The following SLC13A3 variants were observed in gnomAD, a reference collection of about 807,000 sequenced individuals.
SLC13A3 encodes the protein solute carrier family 13 member 3.
Under a neutral mutation model 59.0 loss-of-function variants are expected in SLC13A3, and 40 were observed. The observed-to-expected ratio is 0.68, with a 90% CI of 0.53 to 0.88. The LOEUF is 0.88. Ranked by LOEUF, SLC13A3 falls within the 40% of genes least tolerant of loss-of-function variation. SLC13A3 has a pLI of 0.00. For synonymous variants in SLC13A3, 317 were observed against 330.3 expected (o/e 0.96, Z 0.44); for missense variants, 699 against 783.2 (o/e 0.89, Z 1.28).
chr20:46,655,278 T>A (rs564445710), upstream of SLC13A3, among the ~76,000 whole-genome samples: 1 of 134,836 alleles, frequency 7.4e-6, no homozygotes, highest in African/African-American at 2.9e-5. Flanking sequence ...TGTATACACA[T>A]ATATACACAT....
chr20:46,575,462 C>T lies in SLC13A3; in HGVS notation c.1332+111G>A, dbSNP rs534705662. The T allele has an allele frequency of 1.5e-4, 82 of 548,874 alleles. 1 individual carries two copies. Among genetic ancestry groups the T allele is most frequent in the African/African-American group, 1.2e-3 (61 of 51,556 alleles). 34.0% of individuals were successfully genotyped at this position (548,874 alleles called of 1,614,324 possible). ...CAAGTGAGGAAACTGGCTGTGCCCC[C>T]AGGGCCCGTGCAGCTCACCTGCTCT... is the stretch of plus-strand genomic sequence containing the variant. On this transcript the variant is annotated intron_variant, in intron 10 of 12. Transcript: ENST00000279027.
At chr20:46,633,230 G>A (rs571184106) in intron 1 of SLC13A3, among the ~76,000 whole-genome samples, 14 of 152,056 alleles carry the variant, frequency 9.2e-5, no homozygotes, top group African/African-American at 2.9e-4. Context: ...GACCCAACCT[G>A]GAAAGAAGAG....
chr20:46,641,564 C>A (rs997183802), intron 1 of SLC13A3, among the ~76,000 whole-genome samples: 9 of 152,096 alleles, frequency 5.9e-5, no homozygotes, highest in Admixed American at 5.2e-4. Flanking sequence ...CCTAAATGAC[C>A]AGAAGCACCC....
intron 1 of SLC13A3, among the ~76,000 whole-genome samples, chr20:46,675,413 T>C (rs1430628391): frequency 5.5e-5 from 8 of 146,550 alleles, no homozygotes; most frequent in Admixed American, 4.0e-4. Context: ...TTCTTTTTTT[T>C]TTTTTTTTTT....
intron 3 of SLC13A3, 123 bp downstream of exon 3, chr20:46,610,323 C>A: frequency 1.1e-6 from 1 of 881,318 alleles, no homozygotes; most frequent in Non-Finnish European, 1.8e-6. Flanking sequence ...ACTAAAACAC[C>A]TGACGCATAG....
chr20:46,655,921 A>G (rs1247259793), upstream of SLC13A3, among the ~76,000 whole-genome samples: 6 of 142,422 alleles, frequency 4.2e-5, no homozygotes, highest in Non-Finnish European at 9.1e-5. Context: ...TATTATATAT[A>G]CGTATATAAT....
upstream of SLC13A3, among the ~76,000 whole-genome samples, chr20:46,653,756 T>C (rs540531537): frequency 2.1e-4 from 32 of 152,342 alleles, no homozygotes; most frequent in African/African-American, 7.5e-4. Context: ...GGCTCACCCA[T>C]GTTGTAGCAT....
rs1363006598 is a variant in SLC13A3, at chr20:46,596,259, C to CA, written c.691dup (p.Trp231LeufsTer26). On this transcript the variant is annotated frameshift_variant, in exon 5 of 13. Coordinates refer to ENST00000279027, the MANE Select transcript of SLC13A3 (RefSeq NM_022829.6). LOFTEE classifies it high-confidence loss of function. The stretch of plus-strand genomic sequence containing the variant: ...GGGGATGGAGATGAGGAAGCCCTTC[C>CA]AGATGTTCCGACGATATTCATCCTC... The CA allele has an allele frequency of 7.4e-6, 12 of 1,614,080 alleles. No homozygotes were observed. The highest frequency in any genetic ancestry group is 1.3e-5 in the African/African-American group (1 of 74,928).
intron 1 of SLC13A3, among the ~76,000 whole-genome samples, chr20:46,665,876 A>C (rs1404838201): frequency 6.6e-6 from 1 of 152,218 alleles, no homozygotes; most frequent in African/African-American, 2.4e-5. Context: ...TGCGGGTTCC[A>C]GTTTCTCTAC....
chr20:46,662,313 AACC>A (rs1450793096), intron 1 of SLC13A3, among the ~76,000 whole-genome samples: 1 of 152,190 alleles, frequency 6.6e-6, no homozygotes, highest in Non-Finnish European at 1.5e-5. Flanking sequence ...CCTATACTAG[AACC>A]AGAAGTGGAA....
chr20:46,574,844 T>C (rs1016986599), intron 10 of SLC13A3, among the ~76,000 whole-genome samples: 1 of 150,606 alleles, frequency 6.6e-6, no homozygotes, highest in Non-Finnish European at 1.5e-5. Flanking sequence ...TTTTTCTTTT[T>C]TTTTTTTCTT....
intron 3 of SLC13A3, among the ~76,000 whole-genome samples, chr20:46,602,864 A>G (rs2062393496): frequency 2.0e-5 from 3 of 152,152 alleles, no homozygotes; most frequent in Admixed American, 2.0e-4. Context: ...TAACCATTCT[A>G]GGATTGTTAA....
intron 1 of SLC13A3, among the ~76,000 whole-genome samples, chr20:46,631,646 T>C (rs2122814384): frequency 6.6e-6 from 1 of 152,148 alleles, no homozygotes; most frequent in Non-Finnish European, 1.5e-5. Context: ...ACCCAACCCA[T>C]ACATAATCTC....
chr20:46,626,390 C>G (rs1373916108), intron 1 of SLC13A3, among the ~76,000 whole-genome samples: 1 of 151,946 alleles, frequency 6.6e-6, no homozygotes, highest in African/African-American at 2.4e-5. Context: ...GTCAGGATGT[C>G]AACTCAGCTT....
chr20:46,596,225 G>T lies in SLC13A3; in HGVS notation c.726C>A (p.Ala242=). 6.2e-7 allele frequency: 1 copy of T among 1,614,132 alleles called. No individual in the cohort carries two copies. Among genetic ancestry groups the T allele is most frequent in the Non-Finnish European group, 8.5e-7 (1 of 1,180,020 alleles). The change falls in exon 5 of 13, where the codon GCC becomes GCA. Residue 242 remains alanine (A), a synonymous_variant. Coordinates refer to ENST00000279027, the MANE Select transcript of SLC13A3 (RefSeq NM_022829.6). ...KGFLISIPYS[A]SIGGTATLTG... is the part of the protein sequence containing the mutation. ...TGAGTGTGGCTGTGCCCCCAATACT[G>T]GCTGAGTAGGGGATGGAGATGAGGA...
chr20:46,583,783 A>G, intron 8 of SLC13A3, 114 bp from the exon 9 acceptor site: 1 of 1,504,064 alleles, frequency 6.6e-7, no homozygotes, highest in Non-Finnish European at 8.9e-7. Context: ...TGAAGGGGCC[A>G]TTGTTGGAGG....
At chr20:46,666,630 A>T (rs1432830615) in intron 1 of SLC13A3, among the ~76,000 whole-genome samples, 1 of 152,026 alleles carries the variant, frequency 6.6e-6, no homozygotes, top group East Asian at 1.9e-4. Context: ...CAGCATCCTG[A>T]GTAGCTGTAA....
chr20:46,655,363 T>C (rs1474510710), upstream of SLC13A3, among the ~76,000 whole-genome samples: 3 of 150,224 alleles, frequency 2.0e-5, no homozygotes, highest in South Asian at 4.2e-4. Flanking sequence ...AATATACATA[T>C]ATGTATATAT....
Position 46,631,437 on chromosome 20 carries a change from G to A in SLC13A3, c.112-17712C>T, listed in dbSNP as rs2062735399. On this transcript the variant is annotated intron_variant, in intron 1 of 12. Coordinates refer to ENST00000279027, the MANE Select transcript of SLC13A3 (RefSeq NM_022829.6). ...TCAGAGGTAGATTGTGCAAGTTAAGGCCATGCTTTCTCTTAGTTCATTGAA... is the reference window on the plus strand; with the variant it reads ...TCAGAGGTAGATTGTGCAAGTTAAGACCATGCTTTCTCTTAGTTCATTGAA... Among the ~76,000 whole-genome samples the A allele has an allele frequency of 3.3e-5, 5 of 152,148 alleles. No homozygotes were observed. The South Asian group carries it at 8.3e-4, about 25-fold the overall frequency.
Sources: gnomAD v4.1 joint callset for allele counts (sites outside exome capture counted in the v4.1 genomes callset) on GRCh38, gnomAD v4.1.1 for gene constraint, MANE v1.5 for transcripts, NCBI Gene and HGNC (gene_info 2026-07-23, HGNC 2026-07-21) for gene names.